C2orf42: variants seen among roughly 807,000 people sequenced by gnomAD.
The protein encoded by C2orf42 is chromosome 2 open reading frame 42, also known as uncharacterized protein C2orf42.
A neutral mutation model predicts 58.9 loss-of-function variants in C2orf42; 44 were observed. That is an observed-to-expected ratio of 0.75 (90% confidence interval 0.59 to 0.96). The LOEUF is 0.96. Ranked by LOEUF, C2orf42 falls within the 40% of genes least tolerant of loss-of-function variation. The pLI is 0.00. For synonymous variants in C2orf42, 239 were observed against 265.4 expected (o/e 0.90, Z 0.97); for missense variants, 630 against 699.2 (o/e 0.90, Z 1.12).
In C2orf42 at chr2:70,187,160, G is replaced by A. The variant is rs186546349; in HGVS notation, c.-282+3813C>T. 2.3e-4 allele frequency among the ~76,000 whole-genome samples: 35 copies of A among 152,296 alleles called. 2 individuals are homozygous for A. The highest frequency in any genetic ancestry group is 7.9e-4 in the African/African-American group (33 of 41,582). On this transcript the variant is annotated intron_variant, in intron 1 of 9. Transcript: ENST00000264434. ...AAACCTTTCTGTCATTAAGGGAGGAGGTGGTTTGCCAGCTGTTGGTGCTGT... is the reference window on the plus strand; with the variant it reads ...AAACCTTTCTGTCATTAAGGGAGGAAGTGGTTTGCCAGCTGTTGGTGCTGT...
chr2:70,159,623 A>T (rs540421254), intron 9 of C2orf42, among the ~76,000 whole-genome samples: 269 of 152,190 alleles, frequency 1.8e-3, no homozygotes, highest in Non-Finnish European at 1.7e-3. Context: ...AACTGAAAAA[A>T]GCCAGTTACC....
At position 70,149,981 on chromosome 2, in the gene C2orf42, G is replaced by A; in HGVS notation, c.*375C>T. ...GTCTTTAACATTCTGCCCTAACCAG[G>A]GTGTTAACTTTCCAACACTGTTGGT... On this transcript the variant is annotated 3_prime_UTR_variant, in exon 10 of 10. Coordinates refer to ENST00000264434, the MANE Select transcript of C2orf42 (RefSeq NM_017880.3). The A allele has an allele frequency of 3.8e-6, 1 of 266,010 alleles. No homozygotes were observed. Among genetic ancestry groups the A allele is most frequent in the Admixed American group, 5.0e-5 (1 of 19,982 alleles). 16.5% of individuals were successfully genotyped at this position (266,010 alleles called of 1,614,324 possible). A position where few individuals can be genotyped will look rare whatever the true frequency, so the allele number is the denominator to read the frequency against.
intron 6 of C2orf42, among the ~76,000 whole-genome samples, chr2:70,168,505 G>T (rs529831614): frequency 1.3e-5 from 2 of 151,090 alleles, no homozygotes; most frequent in East Asian, 4.0e-4. Flanking sequence ...AGCCAGGATG[G>T]TCTCAATCTT....
At chr2:70,185,190 C>G (rs1674850829) in intron 1 of C2orf42, among the ~76,000 whole-genome samples, 1 of 152,106 alleles carries the variant, frequency 6.6e-6, no homozygotes, top group Non-Finnish European at 1.5e-5. Flanking sequence ...CACCTGAGGG[C>G]AGGAGTTCAA....
chr2:70,181,264 G>A lies in C2orf42; in HGVS notation c.722C>T (p.Thr241Ile), dbSNP rs745854692. ...SHKSNASKDE[T>I]AQRCIHFFAC... ...AAAGAAATGAATGCATCTCTGGGCT[G>A]TCTCATCCTTGGAGGCATTTGACTT... Residue 241 changes from threonine to isoleucine, a missense_variant, in exon 3 of 10, where the codon ACA becomes ATA. Thr to Ile is a moderately conservative substitution (Grantham distance 89). Coordinates refer to ENST00000264434, the MANE Select transcript of C2orf42 (RefSeq NM_017880.3). 4 of 1,613,070 alleles carry A rather than the reference G, an allele frequency of 2.5e-6. No homozygotes were observed. In the South Asian group the frequency reaches 3.3e-5, roughly 13 times the overall value.
chr2:70,159,577 C>T (rs992345211), intron 9 of C2orf42, among the ~76,000 whole-genome samples: 20 of 139,948 alleles, frequency 1.4e-4, no homozygotes, highest in African/African-American at 4.4e-4. Context: ...GGTGACAGAG[C>T]GAGACTCCCT....
At chr2:70,159,524 G>C (rs1199478091) in intron 9 of C2orf42, among the ~76,000 whole-genome samples, 1 of 150,628 alleles carries the variant, frequency 6.6e-6, no homozygotes, top group Non-Finnish European at 1.5e-5. Flanking sequence ...GGAGGCAGAG[G>C]TTGTGGTGAG....
chr2:70,180,607 CAAAAA>C (rs59381817), intron 3 of C2orf42, among the ~76,000 whole-genome samples: 1 of 57,062 alleles, frequency 1.8e-5, no homozygotes, highest in Non-Finnish European at 3.2e-5. Context: ...GATTCTGTCT[CAAAAA>C]AAAAAAAAAA....
At chr2:70,180,060 G>A (rs1228486559) in intron 3 of C2orf42, among the ~76,000 whole-genome samples, 1 of 152,206 alleles carries the variant, frequency 6.6e-6, no homozygotes. Context: ...GGGAGGCCGA[G>A]GCGGGTGGAT....
chr2:70,159,948 A>G (rs974301723), intron 9 of C2orf42, among the ~76,000 whole-genome samples: 1 of 152,202 alleles, frequency 6.6e-6, no homozygotes, highest in Non-Finnish European at 1.5e-5. Context: ...ATCAGGATAG[A>G]TATTTCATTC....
In C2orf42 at chr2:70,150,545, T is replaced by C; in HGVS notation, c.1536A>G (p.Gln512=). ...CGATGATGAAAGGTGTTGGCTCCTT[T>C]TGATCTGGGGAAGTGTTGCCTAAAG... The part of the protein sequence containing the change: ...FLKVGNTSPD[Q]KEPTPFIIEW... Residue 512 remains glutamine, a synonymous_variant, in exon 10 of 10, where the codon CAA becomes CAG. Coordinates refer to ENST00000264434, the MANE Select transcript of C2orf42 (RefSeq NM_017880.3). 5 of 1,613,688 alleles carry C rather than the reference T, an allele frequency of 3.1e-6. No homozygotes were observed. Among genetic ancestry groups the C allele is most frequent in the Admixed American group, 3.3e-5 (2 of 60,000 alleles).
intron 8 of C2orf42, among the ~76,000 whole-genome samples, chr2:70,163,146 G>A (rs1673167388): frequency 6.6e-6 from 1 of 152,052 alleles, no homozygotes; most frequent in South Asian, 2.1e-4. Context: ...GAGATTACAG[G>A]TGTGAGCCAC....
chr2:70,154,387 AC>A (rs763918673), intron 9 of C2orf42, among the ~76,000 whole-genome samples: 1 of 141,642 alleles, frequency 7.1e-6, no homozygotes, highest in African/African-American at 2.6e-5. Context: ...ACATAGTAAG[AC>A]CCCCATCTCT....
intron 9 of C2orf42, among the ~76,000 whole-genome samples, chr2:70,160,178 C>T (rs1355621726): frequency 2.9e-4 from 43 of 150,806 alleles, no homozygotes; most frequent in African/African-American, 6.1e-4. Flanking sequence ...CTCACTCTGC[C>T]GCCCAGGCTG....
chr2:70,154,616 C>G (rs1392109591), intron 9 of C2orf42, among the ~76,000 whole-genome samples: 2 of 151,864 alleles, frequency 1.3e-5, no homozygotes, highest in Admixed American at 6.6e-5. Flanking sequence ...AAAAGAAGAA[C>G]AAATAAGTGT....
intron 9 of C2orf42, among the ~76,000 whole-genome samples, chr2:70,154,735 G>T: frequency 6.6e-6 from 1 of 151,956 alleles, no homozygotes. Context: ...AAATTCCAGA[G>T]AATCAAAGTT....
chr2:70,153,412 G>A (rs1441596210), intron 9 of C2orf42, among the ~76,000 whole-genome samples: 1 of 147,218 alleles, frequency 6.8e-6, no homozygotes, highest in Non-Finnish European at 1.5e-5. Context: ...TCGCCAGGCT[G>A]TAGTGGTGCG....
intron 1 of C2orf42, among the ~76,000 whole-genome samples, chr2:70,185,364 C>T (rs1343430714): frequency 2.0e-5 from 3 of 151,392 alleles, no homozygotes; most frequent in Non-Finnish European, 2.9e-5. Context: ...GCTGAGATCA[C>T]GCCATTGCAC....
intron 6 of C2orf42, among the ~76,000 whole-genome samples, chr2:70,166,808 G>A (rs550115597): frequency 6.6e-6 from 1 of 152,046 alleles, no homozygotes; most frequent in African/African-American, 2.4e-5. Context: ...AAGGGTATGC[G>A]AAGTAAGATG....
Sources: allele counts gnomAD v4.1 joint callset (sites outside exome capture counted in the v4.1 genomes callset), GRCh38; gene constraint gnomAD v4.1.1; transcripts MANE v1.5; gene names NCBI Gene and HGNC (gene_info 2026-07-23, HGNC 2026-07-21).